Variants in SPIRE1 observed in about 807,000 individuals in gnomAD.
SPIRE1 encodes spire type actin nucleation factor 1.
A neutral mutation model predicts 94.1 loss-of-function variants in SPIRE1; 40 were observed. The observed-to-expected ratio is 0.43, with a 90% CI of 0.33 to 0.55. The LOEUF is 0.55. Among genes scored for constraint, SPIRE1 ranks in the 20% least tolerant of loss-of-function variants. SPIRE1 has a pLI of 0.06. For missense variants in SPIRE1, 838 were observed against 975.2 expected (o/e 0.86, Z 1.87); for synonymous variants, 376 against 371.7 (o/e 1.01, Z -0.13).
At chr18:12,454,590 C>G in intron 12 of SPIRE1, 107 bp from the exon 13 acceptor site, 1 of 1,051,872 alleles carries the variant, frequency 9.5e-7, no homozygotes, top group East Asian at 2.4e-5. Flanking sequence ...GAGAAGAGAA[C>G]AGGTTTCCCA....
At chr18:12,503,464 G>A (rs889038647) in intron 6 of SPIRE1, among the ~76,000 whole-genome samples, 19 of 152,146 alleles carry the variant, frequency 1.2e-4, no homozygotes, top group Non-Finnish European at 5.9e-5. Context: ...CAGCGCCGAG[G>A]CTGCACGGGT....
chr18:12,483,542 T>G (rs1420141056), intron 9 of SPIRE1, among the ~76,000 whole-genome samples: 1 of 152,176 alleles, frequency 6.6e-6, no homozygotes, highest in Non-Finnish European at 1.5e-5. Context: ...GCTGCCTTAT[T>G]TAGTGTGAGG....
chr18:12,558,309 G>T (rs28821540), intron 2 of SPIRE1, among the ~76,000 whole-genome samples: 1 of 152,048 alleles, frequency 6.6e-6, no homozygotes, highest in Admixed American at 6.6e-5. Flanking sequence ...GGAGTTGTTC[G>T]TGCCTCCTGG....
chr18:12,556,647 G>A (rs12964660), intron 2 of SPIRE1, among the ~76,000 whole-genome samples: 62,284 of 151,638 alleles, frequency 0.41, 14,582 homozygotes, highest in East Asian at 0.59. Context: ...AGCTCTTAAA[G>A]GCCCAGGGCA....
intron 2 of SPIRE1, among the ~76,000 whole-genome samples, chr18:12,576,693 T>C (rs544794693): frequency 6.9e-6 from 1 of 144,124 alleles, no homozygotes; most frequent in East Asian, 2.3e-4. Context: ...ATCGAGACCA[T>C]CCTGGCTAAC....
At chr18:12,646,634 C>A (rs917594590) in intron 1 of SPIRE1, among the ~76,000 whole-genome samples, 3 of 152,014 alleles carry the variant, frequency 2.0e-5, no homozygotes, top group Admixed American at 6.6e-5. Context: ...ATTTTTATCT[C>A]TCCGAAATAC....
chr18:12,471,788 T>A (rs576641307), intron 10 of SPIRE1, among the ~76,000 whole-genome samples: 4 of 152,280 alleles, frequency 2.6e-5, no homozygotes, highest in Non-Finnish European at 4.4e-5. Context: ...TTTTGTTATC[T>A]TCTTCTTCTT....
chr18:12,487,186 T>C (rs2033068529), intron 8 of SPIRE1, among the ~76,000 whole-genome samples: 1 of 152,216 alleles, frequency 6.6e-6, no homozygotes, highest in Non-Finnish European at 1.5e-5. Flanking sequence ...GTTTCCTGAA[T>C]ATTACTTTTT....
chr18:12,456,891 A>G (rs1320427041), intron 12 of SPIRE1, among the ~76,000 whole-genome samples: 3 of 152,198 alleles, frequency 2.0e-5, no homozygotes, highest in Non-Finnish European at 2.9e-5. Context: ...AGGCTGGAGC[A>G]CAGTGGCATG....
chr18:12,521,778 T>A (rs906155133), intron 4 of SPIRE1, among the ~76,000 whole-genome samples: 27 of 152,284 alleles, frequency 1.8e-4, no homozygotes, highest in South Asian at 6.2e-4. Flanking sequence ...ATTTTTTTTT[T>A]ATTAAATCTG....
At chr18:12,614,001 T>G (rs1289719856) in intron 2 of SPIRE1, among the ~76,000 whole-genome samples, 1 of 152,210 alleles carries the variant, frequency 6.6e-6, no homozygotes, top group African/African-American at 2.4e-5. Flanking sequence ...GCACACACAC[T>G]GCAATCCCAA....
At chr18:12,535,338 G>T in intron 4 of SPIRE1, 138 bp downstream of exon 4, 1 of 840,294 alleles carries the variant, frequency 1.2e-6, no homozygotes, top group Non-Finnish European at 1.8e-6. Flanking sequence ...ATGACTTTCA[G>T]CACTCATCTA....
intron 2 of SPIRE1, among the ~76,000 whole-genome samples, chr18:12,561,661 G>GA (rs1343851780): frequency 6.6e-6 from 1 of 152,062 alleles, no homozygotes; most frequent in East Asian, 1.9e-4. Flanking sequence ...AAATCTTTAA[G>GA]GTTAGCTGTG....
chr18:12,600,786 C>T (rs547518567), intron 2 of SPIRE1, among the ~76,000 whole-genome samples: 17 of 151,918 alleles, frequency 1.1e-4, no homozygotes, highest in South Asian at 1.0e-3. Flanking sequence ...GCAGTGGCGC[C>T]GTTTCAGTGA....
intron 2 of SPIRE1, among the ~76,000 whole-genome samples, chr18:12,566,603 C>G (rs1342775419): frequency 1.3e-5 from 2 of 152,042 alleles, no homozygotes; most frequent in Admixed American, 6.6e-5. Context: ...CATTACCTAT[C>G]AAGAGGTAGA....
At chr18:12,535,648 T>C in intron 3 of SPIRE1, 47 bp from the exon 4 acceptor site, 1 of 1,542,508 alleles carries the variant, frequency 6.5e-7, no homozygotes, top group East Asian at 2.4e-5. Context: ...ACTATTTGGG[T>C]TTTTTTTGTA....
At chr18:12,599,259 C>CT (rs1010128219) in intron 2 of SPIRE1, among the ~76,000 whole-genome samples, 11 of 152,070 alleles carry the variant, frequency 7.2e-5, no homozygotes, top group African/African-American at 2.7e-4. Flanking sequence ...ATCTCTTTAG[C>CT]TTTTTTCTTT....
chr18:12,618,419 T>C (rs372087612), intron 2 of SPIRE1, among the ~76,000 whole-genome samples: 44 of 152,146 alleles, frequency 2.9e-4, no homozygotes, highest in African/African-American at 1.0e-3. Context: ...TATTTATTAA[T>C]TACCCACAGA....
At chr18:12,575,721 G>A (rs1054186160) in intron 2 of SPIRE1, among the ~76,000 whole-genome samples, 3 of 152,192 alleles carry the variant, frequency 2.0e-5, no homozygotes, top group Non-Finnish European at 4.4e-5. Flanking sequence ...ACAAAAACTT[G>A]CAATATCCTA....
Sources: gnomAD v4.1 joint callset for allele counts (sites outside exome capture counted in the v4.1 genomes callset) on GRCh38, gnomAD v4.1.1 for gene constraint, MANE v1.5 for transcripts, NCBI Gene and HGNC (gene_info 2026-07-23, HGNC 2026-07-21) for gene names.